Variants in DLGAP1 observed in about 807,000 individuals in gnomAD.
DLGAP1 encodes DLG associated protein 1, also known as disks large-associated protein 1.
A neutral mutation model predicts 90.8 loss-of-function variants in DLGAP1; 11 were observed. That is an observed-to-expected ratio of 0.12 (90% CI 0.08 to 0.20). DLGAP1 has a LOEUF of 0.20. Among genes scored for constraint, DLGAP1 ranks in the 10% least tolerant of loss-of-function variants. The pLI, the probability that DLGAP1 is intolerant of heterozygous loss-of-function variation, is 1.00. For synonymous variants in DLGAP1, 558 were observed against 540.7 expected (o/e 1.03, Z -0.44); for missense variants, 1,050 against 1,333.8 (o/e 0.79, Z 3.31).
At chr18:3,925,056 G>A (rs1022629508) in intron 3 of DLGAP1, among the ~76,000 whole-genome samples, 2 of 152,160 alleles carry the variant, frequency 1.3e-5, no homozygotes, top group East Asian at 3.9e-4. Flanking sequence ...GAGTTCAAGC[G>A]ATTCTCCTGC....
At chr18:3,585,614 T>C (rs942309617) in intron 7 of DLGAP1, among the ~76,000 whole-genome samples, 29 of 152,188 alleles carry the variant, frequency 1.9e-4, no homozygotes, top group Admixed American at 1.3e-4. Flanking sequence ...TCTTGTTAGC[T>C]CTCCTTGGTT....
At chr18:3,577,240 C>T (rs1410949823) in intron 8 of DLGAP1, among the ~76,000 whole-genome samples, 2 of 152,218 alleles carry the variant, frequency 1.3e-5, no homozygotes, top group Admixed American at 6.5e-5. Flanking sequence ...CCTGCCACCT[C>T]ACAGTCTGAG....
intron 9 of DLGAP1, among the ~76,000 whole-genome samples, chr18:3,549,985 C>T (rs1046682089): frequency 2.0e-5 from 3 of 152,156 alleles, no homozygotes; most frequent in Admixed American, 1.3e-4. Context: ...ACAATCTTGG[C>T]TCACCACAAC....
At chr18:4,282,102 C>T (rs111614619) in intron 1 of DLGAP1, among the ~76,000 whole-genome samples, 2,331 of 152,204 alleles carry the variant, frequency 0.015, 63 homozygotes, top group African/African-American at 0.053. Flanking sequence ...AAGGGGCTCA[C>T]GCCTGTAATC....
At chr18:3,833,240 C>CCTT (rs1568210956) in intron 4 of DLGAP1, among the ~76,000 whole-genome samples, 25 of 130,210 alleles carry the variant, frequency 1.9e-4, no homozygotes, top group Non-Finnish European at 2.3e-4. Context: ...CTTCCTTCCT[C>CCTT]CTTGTTTTTT....
At chr18:4,011,294 G>A (rs377423683) in intron 2 of DLGAP1, among the ~76,000 whole-genome samples, 1 of 152,124 alleles carries the variant, frequency 6.6e-6, no homozygotes, top group African/African-American at 2.4e-5. Context: ...GGGAGAGGGC[G>A]TGGGAGAGAA....
chr18:3,674,709 C>A (rs533139118), intron 7 of DLGAP1, among the ~76,000 whole-genome samples: 57 of 152,178 alleles, frequency 3.7e-4, no homozygotes, highest in African/African-American at 1.3e-3. Flanking sequence ...CCCCTACTAT[C>A]ACCACCCCAC....
intron 2 of DLGAP1, among the ~76,000 whole-genome samples, chr18:4,090,013 C>G (rs1018214702): frequency 6.6e-5 from 10 of 152,012 alleles, no homozygotes; most frequent in African/African-American, 2.2e-4. Context: ...CCGCTGCACT[C>G]CAGCCTGGGT....
At chr18:4,237,952 T>C (rs75875320) in intron 1 of DLGAP1, among the ~76,000 whole-genome samples, 1,965 of 152,150 alleles carry the variant, frequency 0.013, 36 homozygotes, top group African/African-American at 0.045. Flanking sequence ...TGAAGAAAAA[T>C]CTGTAGATGC....
chr18:3,865,568 T>C lies in DLGAP1; in HGVS notation c.957+13544A>G, dbSNP rs2070332563. ...AACCATAATTATTCATTTTTAATTG[T>C]TATTAAAAGAAATTCTCATTTAAAA... On this transcript the variant is annotated intron_variant, in intron 4 of 12. Transcript: ENST00000315677. Among the ~76,000 whole-genome samples the C allele has an allele frequency of 2.6e-5, 4 of 152,208 alleles. No individual in the cohort carries two copies. The South Asian group carries it at 8.3e-4, about 32-fold the overall frequency.
At chr18:4,092,083 G>A (rs2075780614) in intron 2 of DLGAP1, among the ~76,000 whole-genome samples, 1 of 152,116 alleles carries the variant, frequency 6.6e-6, no homozygotes, top group South Asian at 2.1e-4. Flanking sequence ...TTTTGTTATT[G>A]CTATGGTTAA....
At chr18:4,042,465 C>T (rs1475664200) in intron 2 of DLGAP1, among the ~76,000 whole-genome samples, 7 of 152,120 alleles carry the variant, frequency 4.6e-5, no homozygotes, top group South Asian at 2.1e-4. Flanking sequence ...TTCAGGACAC[C>T]GCTTGTCCAC....
At chr18:4,178,198 AATAAACACACACACAC>A (rs1201562186) in intron 1 of DLGAP1, among the ~76,000 whole-genome samples, 9 of 126,108 alleles carry the variant, frequency 7.1e-5, no homozygotes, top group African/African-American at 3.0e-4. Flanking sequence ...CGGGTCCTGG[AATAAACACACACACAC>A]ACACACACAC....
At chr18:4,239,072 C>G (rs943331530) in intron 1 of DLGAP1, among the ~76,000 whole-genome samples, 1 of 152,182 alleles carries the variant, frequency 6.6e-6, no homozygotes, top group African/African-American at 2.4e-5. Context: ...GAGTGTTGTG[C>G]AGTGCACAAC....
At chr18:3,601,485 T>G (rs1048437130) in intron 7 of DLGAP1, among the ~76,000 whole-genome samples, 1 of 152,004 alleles carries the variant, frequency 6.6e-6, no homozygotes, top group Non-Finnish European at 1.5e-5. Context: ...TTTTCCATTC[T>G]CTTCCCAACC....
chr18:4,129,052 G>C (rs1010362403), intron 2 of DLGAP1, among the ~76,000 whole-genome samples: 3 of 152,014 alleles, frequency 2.0e-5, no homozygotes, highest in Non-Finnish European at 4.4e-5. Flanking sequence ...AGGAAGGGAG[G>C]GGCAAGGGGC....
At chr18:3,911,731 C>A (rs57244948) in intron 3 of DLGAP1, among the ~76,000 whole-genome samples, 6,448 of 152,308 alleles carry the variant, frequency 0.042, 194 homozygotes, top group South Asian at 0.061. Flanking sequence ...CTGAAATGAA[C>A]AAGACTTGAT....
intron 2 of DLGAP1, among the ~76,000 whole-genome samples, chr18:4,119,742 C>T (rs1568407336): frequency 6.6e-6 from 1 of 152,256 alleles, no homozygotes; most frequent in East Asian, 1.9e-4. Context: ...AGGAGCTTAT[C>T]TACCCACAAA....
At chr18:3,853,546 T>C (rs1254514465) in intron 4 of DLGAP1, among the ~76,000 whole-genome samples, 4 of 151,660 alleles carry the variant, frequency 2.6e-5, no homozygotes, top group African/African-American at 7.3e-5. Flanking sequence ...CTGAGGGGTG[T>C]AGGAGGCTCT....
Sources: gnomAD v4.1 joint callset for allele counts (sites outside exome capture counted in the v4.1 genomes callset) on GRCh38, gnomAD v4.1.1 for gene constraint, MANE v1.5 for transcripts, NCBI Gene and HGNC (gene_info 2026-07-23, HGNC 2026-07-21) for gene names.